Variants in NFATC3 observed in about 807,000 individuals in gnomAD.
The protein encoded by NFATC3 is nuclear factor of activated T-cells, cytoplasmic 3.
NFATC3 carries 46 observed loss-of-function variants against 98.6 expected under a neutral mutation model. That is an observed-to-expected ratio of 0.47 (90% CI 0.37 to 0.60). The LOEUF (loss-of-function observed/expected upper bound fraction) is 0.60, where lower values mean the gene tolerates loss of function less well. NFATC3 is among the 20% of genes least tolerant of loss of function. The pLI is 0.00. For synonymous variants in NFATC3, 512 were observed against 472.2 expected (o/e 1.08, Z -1.09); for missense variants, 1,256 against 1,295.5 (o/e 0.97, Z 0.47).
intron 9 of NFATC3, among the ~76,000 whole-genome samples, chr16:68,198,683 G>C (rs1176430573): frequency 6.6e-6 from 1 of 152,168 alleles, no homozygotes; most frequent in African/African-American, 2.4e-5. Flanking sequence ...GCCAAGATGG[G>C]AGGATCGCTT....
intron 1 of NFATC3, among the ~76,000 whole-genome samples, chr16:68,087,148 T>A (rs892311107): frequency 6.6e-6 from 1 of 152,216 alleles, no homozygotes; most frequent in East Asian, 1.9e-4. Flanking sequence ...TTATCGGGAC[T>A]TGAAAGAAAA....
chr16:68,145,424 G>A (rs983758403), intron 3 of NFATC3, among the ~76,000 whole-genome samples: 3 of 152,178 alleles, frequency 2.0e-5, no homozygotes, highest in African/African-American at 7.2e-5. Flanking sequence ...TAGGATTACA[G>A]GCATGAGCCT....
intron 1 of NFATC3, among the ~76,000 whole-genome samples, chr16:68,097,882 C>T (rs989535705): frequency 1.3e-5 from 2 of 152,202 alleles, no homozygotes; most frequent in Non-Finnish European, 2.9e-5. Context: ...CCCTCCCATA[C>T]ACCTTTCTCC....
chr16:68,086,801 A>C (rs765323757), intron 1 of NFATC3: 132 of 985,198 alleles, frequency 1.3e-4, no homozygotes, highest in Non-Finnish European at 1.5e-4. Context: ...TCTAGGCGGT[A>C]CTTATTTTAT....
chr16:68,216,337 A>AT (rs1334833642), intron 9 of NFATC3, among the ~76,000 whole-genome samples: 1 of 152,066 alleles, frequency 6.6e-6, no homozygotes, highest in Non-Finnish European at 1.5e-5. Context: ...GAAGTTGTTT[A>AT]TTTTTTTCAC....
At chr16:68,221,195 G>C (rs1212256957) in intron 9 of NFATC3, 2 of 1,613,750 alleles carry the variant, frequency 1.2e-6, no homozygotes, top group Admixed American at 1.7e-5. Flanking sequence ...TTACATCATA[G>C]ATTTGTTTAC....
rs1319354178 is a variant in NFATC3, at chr16:68,126,514, A to C, written c.1305A>C (p.Ile435=). 1.2e-6 allele frequency: 2 copies of C among 1,614,098 alleles called. No individual in the cohort carries two copies. The highest frequency in any genetic ancestry group is 1.3e-5 in the African/African-American group (1 of 74,942). The part of the protein sequence containing the change: ...PAHFGQCELK[I]EVQPKTHHRA... ...ATTTTGGACAATGTGAACTGAAAAT[A>C]GAAGTGCAACCTAAAACTCATCATC... is the stretch of plus-strand genomic sequence containing the variant. Residue 435 remains isoleucine (I), a synonymous_variant, in exon 3 of 10, where the codon ATA becomes ATC. Transcript: ENST00000346183.
chr16:68,160,794 C>T (rs2038856733), intron 4 of NFATC3, among the ~76,000 whole-genome samples: 2 of 152,096 alleles, frequency 1.3e-5, no homozygotes, highest in South Asian at 2.1e-4. Context: ...AAGTGATTCT[C>T]GTGCTTCAGC....
intron 8 of NFATC3, among the ~76,000 whole-genome samples, chr16:68,188,396 C>T (rs893438525): frequency 3.9e-5 from 6 of 152,288 alleles, no homozygotes; most frequent in African/African-American, 1.4e-4. Context: ...TGGGTGGCCA[C>T]AACTGCACCC....
At chr16:68,196,030 G>C (rs1243858000) in intron 9 of NFATC3, among the ~76,000 whole-genome samples, 2 of 151,980 alleles carry the variant, frequency 1.3e-5, no homozygotes. Flanking sequence ...ACCAATTTTT[G>C]TTAAAACGCA....
intron 4 of NFATC3, among the ~76,000 whole-genome samples, chr16:68,166,340 C>T (rs1237307798): frequency 6.6e-6 from 1 of 152,154 alleles, no homozygotes; most frequent in Admixed American, 6.5e-5. Context: ...GTTGAACATC[C>T]AAAACGGCTA....
intron 3 of NFATC3, among the ~76,000 whole-genome samples, chr16:68,127,856 T>G (rs1451808640): frequency 6.6e-6 from 1 of 152,176 alleles, no homozygotes; most frequent in African/African-American, 2.4e-5. Flanking sequence ...CCTTTTCTAC[T>G]CTTTACCTCC....
intron 3 of NFATC3, among the ~76,000 whole-genome samples, chr16:68,141,171 G>A (rs2037732977): frequency 6.6e-6 from 1 of 152,122 alleles, no homozygotes; most frequent in South Asian, 2.1e-4. Context: ...GCATTCCGTG[G>A]TGTAGATATA....
intron 3 of NFATC3, among the ~76,000 whole-genome samples, chr16:68,145,210 C>T (rs1417523160): frequency 1.3e-5 from 2 of 150,910 alleles, no homozygotes; most frequent in Non-Finnish European, 2.9e-5. Flanking sequence ...GTGATGCGAT[C>T]TCAGCTCACT....
intron 3 of NFATC3, among the ~76,000 whole-genome samples, chr16:68,156,191 A>G (rs950969231): frequency 7.9e-5 from 12 of 151,868 alleles, no homozygotes; most frequent in Admixed American, 1.3e-4. Context: ...GGAGTCTGTA[A>G]TCAATCCCAG....
At chr16:68,203,187 C>T (rs1276986665) in intron 9 of NFATC3, among the ~76,000 whole-genome samples, 2 of 152,016 alleles carry the variant, frequency 1.3e-5, no homozygotes, top group Non-Finnish European at 2.9e-5. Context: ...AGTTTTAGGC[C>T]TAATGAAGAA....
At chr16:68,147,423 A>C (rs1341071861) in intron 3 of NFATC3, among the ~76,000 whole-genome samples, 2 of 152,194 alleles carry the variant, frequency 1.3e-5, no homozygotes. Flanking sequence ...GACTAACTTC[A>C]TGAGTTATTT....
intron 5 of NFATC3, among the ~76,000 whole-genome samples, chr16:68,169,031 C>T (rs904689740): frequency 1.3e-5 from 2 of 152,128 alleles, no homozygotes. Context: ...GTGATCCTCC[C>T]ATCTCAGCCT....
chr16:68,135,801 G>A (rs1307348180), intron 3 of NFATC3, among the ~76,000 whole-genome samples: 1 of 152,052 alleles, frequency 6.6e-6, no homozygotes, highest in East Asian at 1.9e-4. Context: ...GGTGGCTCAC[G>A]CCTGTAATCC....
Sources: gnomAD v4.1 joint callset for allele counts (sites outside exome capture counted in the v4.1 genomes callset) on GRCh38, gnomAD v4.1.1 for gene constraint, MANE v1.5 for transcripts, NCBI Gene and HGNC (gene_info 2026-07-23, HGNC 2026-07-21) for gene names.